Variants in GRM7 observed in about 807,000 individuals in gnomAD.
GRM7 encodes metabotropic glutamate receptor 7.
GRM7 carries 35 observed loss-of-function variants against 84.5 expected under a neutral mutation model. That is an observed-to-expected ratio of 0.41 (90% CI 0.32 to 0.55). GRM7 has a LOEUF of 0.55. Ranked by LOEUF, GRM7 falls within the 20% of genes least tolerant of loss-of-function variation. The pLI, the probability that GRM7 is intolerant of heterozygous loss-of-function variation, is 0.19. For missense variants in GRM7, 1,003 were observed against 1,194.6 expected (o/e 0.84, Z 2.36); for synonymous variants, 487 against 455.1 (o/e 1.07, Z -0.89).
chr3:6,941,165 T>A lies in GRM7; in HGVS notation c.519+79258T>A, dbSNP rs566691489. On this transcript the variant is annotated intron_variant, in intron 1 of 9. Transcript: ENST00000357716. ...CTGGGAACCCGAAAGGCCAAGGGAG[T>A]CATTATCTTATGTGCCACTTACACA... is the stretch of plus-strand genomic sequence containing the variant. Among the ~76,000 whole-genome samples the A allele has an allele frequency of 1.4e-4, 22 of 152,050 alleles. 1 individual carries two copies. The highest frequency in any genetic ancestry group is 2.4e-4 in the Non-Finnish European group (16 of 67,988).
Position 7,568,463 on chromosome 3 carries a change from C to T in GRM7, c.1516-9959C>T, listed in dbSNP as rs948319356. 5.9e-5 allele frequency among the ~76,000 whole-genome samples: 9 copies of T among 152,372 alleles called. No individual in the cohort carries two copies. The East Asian group carries it at 1.4e-3, about 23-fold the overall frequency. On this transcript the variant is annotated intron_variant, in intron 7 of 9. Coordinates refer to ENST00000357716, the MANE Select transcript of GRM7 (RefSeq NM_000844.4). ...CGTGCTGACAGCCCTCACTCGCTCT[C>T]GGCGCCTCCTCGGCCTTGGCGCCCA...
At chr3:7,718,223 T>C (rs912109771) in intron 9 of GRM7, among the ~76,000 whole-genome samples, 1 of 152,196 alleles carries the variant, frequency 6.6e-6, no homozygotes, top group Non-Finnish European at 1.5e-5. Flanking sequence ...TAGGACACGC[T>C]CTGTAAATGT....
intron 8 of GRM7, among the ~76,000 whole-genome samples, chr3:7,630,226 A>C (rs1697805175): frequency 6.6e-6 from 1 of 152,200 alleles, no homozygotes; most frequent in Non-Finnish European, 1.5e-5. Context: ...TCATGAAAGA[A>C]GGCCCCCTTA....
intron 1 of GRM7, among the ~76,000 whole-genome samples, chr3:7,006,913 G>A (rs1391785795): frequency 6.6e-6 from 1 of 152,066 alleles, no homozygotes; most frequent in South Asian, 2.1e-4. Context: ...AAATAATAAC[G>A]ATAAATAAAG....
intron 9 of GRM7, among the ~76,000 whole-genome samples, chr3:7,698,938 C>T (rs1701119652): frequency 6.6e-6 from 1 of 152,144 alleles, no homozygotes; most frequent in Non-Finnish European, 1.5e-5. Flanking sequence ...TGAGGTTTTA[C>T]AACCAAGGAG....
intron 2 of GRM7, among the ~76,000 whole-genome samples, chr3:7,239,562 G>A (rs892634280): frequency 1.3e-5 from 2 of 152,066 alleles, no homozygotes; most frequent in South Asian, 2.1e-4. Flanking sequence ...ATTATTTCAC[G>A]GTGTGTCTGT....
At chr3:7,467,288 T>C (rs1408683990) in intron 7 of GRM7, among the ~76,000 whole-genome samples, 9 of 152,084 alleles carry the variant, frequency 5.9e-5, no homozygotes, top group Non-Finnish European at 1.5e-5. Context: ...GGGGTTTCAC[T>C]GTGTTAGCCA....
intron 1 of GRM7, among the ~76,000 whole-genome samples, chr3:6,971,658 C>T (rs376572134): frequency 1.3e-5 from 2 of 152,300 alleles, no homozygotes; most frequent in African/African-American, 4.8e-5. Context: ...ATATCAACTA[C>T]TATTCAGGTT....
intron 7 of GRM7, 127 bp from the exon 8 acceptor site, chr3:7,578,295 C>A: frequency 1.6e-6 from 1 of 636,372 alleles, no homozygotes; most frequent in Non-Finnish European, 2.8e-6. Flanking sequence ...CTCTTGCAAG[C>A]TGAGGGTAAA....
intron 1 of GRM7, among the ~76,000 whole-genome samples, chr3:7,099,362 G>A (rs1344658800): frequency 1.4e-5 from 2 of 146,352 alleles, no homozygotes; most frequent in African/African-American, 5.0e-5. Flanking sequence ...ATGTACACAT[G>A]TATACATATA....
intron 4 of GRM7, among the ~76,000 whole-genome samples, chr3:7,354,369 C>T (rs1039329224): frequency 2.0e-5 from 3 of 152,096 alleles, no homozygotes; most frequent in African/African-American, 7.2e-5. Flanking sequence ...ACAATGGGCC[C>T]ATGGGTCCCT....
chr3:7,436,426 T>G (rs1027423774), intron 5 of GRM7, among the ~76,000 whole-genome samples: 2 of 152,172 alleles, frequency 1.3e-5, no homozygotes, highest in African/African-American at 4.8e-5. Context: ...ACCATATTGT[T>G]TAAAATTTAA....
intron 5 of GRM7, 99 bp downstream of exon 5, chr3:7,415,262 A>G (rs554836978): frequency 9.7e-7 from 1 of 1,027,510 alleles, no homozygotes; most frequent in South Asian, 1.5e-5. Flanking sequence ...AGACAAATTG[A>G]AAAAGTAAAT....
chr3:6,986,240 A>G (rs1172461226), intron 1 of GRM7, among the ~76,000 whole-genome samples: 1 of 152,194 alleles, frequency 6.6e-6, no homozygotes, highest in Non-Finnish European at 1.5e-5. Flanking sequence ...AAAAAACACA[A>G]ACGGACACAA....
intron 7 of GRM7, among the ~76,000 whole-genome samples, chr3:7,512,977 A>G (rs1348686476): frequency 6.6e-6 from 1 of 152,200 alleles, no homozygotes; most frequent in Non-Finnish European, 1.5e-5. Context: ...ATCAATTTTA[A>G]TTGTCCCAAA....
At chr3:7,335,601 A>G (rs1395997552) in intron 4 of GRM7, among the ~76,000 whole-genome samples, 1 of 152,110 alleles carries the variant, frequency 6.6e-6, no homozygotes, top group African/African-American at 2.4e-5. Flanking sequence ...AATACAAAAG[A>G]TAAATGAAAC....
At chr3:7,639,576 C>A (rs1698268582) in intron 8 of GRM7, among the ~76,000 whole-genome samples, 2 of 152,028 alleles carry the variant, frequency 1.3e-5, no homozygotes, top group South Asian at 4.2e-4. Context: ...ATATTATCAC[C>A]TTTTTTAAGT....
chr3:7,103,752 T>G, intron 1 of GRM7, among the ~76,000 whole-genome samples: 1 of 19,456 alleles, frequency 5.1e-5, no homozygotes, highest in East Asian at 1.3e-3. Context: ...CTCTCTCCCT[T>G]TCTTTCTTTC....
intron 1 of GRM7, among the ~76,000 whole-genome samples, chr3:7,051,045 T>C (rs535106699): frequency 3.2e-4 from 48 of 151,832 alleles, no homozygotes; most frequent in Admixed American, 1.6e-3. Flanking sequence ...TGTATTATAC[T>C]ATATTTCATA....
Sources: gnomAD v4.1 joint callset for allele counts (sites outside exome capture counted in the v4.1 genomes callset) on GRCh38, gnomAD v4.1.1 for gene constraint, MANE v1.5 for transcripts, NCBI Gene and HGNC (gene_info 2026-07-23, HGNC 2026-07-21) for gene names.